The following MMP16 variants were observed in gnomAD, a reference collection of about 807,000 sequenced individuals.
MMP16 encodes matrix metallopeptidase 16, also known as matrix metalloproteinase-16.
MMP16 carries 12 observed loss-of-function variants against 67.8 expected under a neutral mutation model. That is an observed-to-expected ratio of 0.18 (90% CI 0.11 to 0.29). The LOEUF is 0.29. MMP16 is among the 10% of genes least tolerant of loss of function. The probability of loss-of-function intolerance (pLI) is 1.00; values close to 1 mark genes in which losing one functional copy is unlikely to be tolerated. For missense variants in MMP16, 475 were observed against 765.7 expected (o/e 0.62, Z 4.48); for synonymous variants, 249 against 255.9 (o/e 0.97, Z 0.26).
chr8:88,221,831 C>T (rs533836151), intron 1 of MMP16, among the ~76,000 whole-genome samples: 2 of 152,154 alleles, frequency 1.3e-5, no homozygotes, highest in South Asian at 4.2e-4. Context: ...TTGACATTCT[C>T]ACCCTATGGT....
intron 6 of MMP16, among the ~76,000 whole-genome samples, chr8:88,100,510 C>T (rs895582110): frequency 3.3e-5 from 5 of 151,956 alleles, no homozygotes; most frequent in African/African-American, 1.2e-4. Context: ...GAAATAGAAA[C>T]ACTTTTACAC....
chr8:88,126,710 T>C (rs116922431), intron 4 of MMP16, among the ~76,000 whole-genome samples: 293 of 151,900 alleles, frequency 1.9e-3, no homozygotes, highest in Non-Finnish European at 3.4e-3. Context: ...ATATCAAAAA[T>C]AAAAGACATA....
At chr8:88,211,405 T>C (rs562798990) in intron 1 of MMP16, among the ~76,000 whole-genome samples, 12 of 152,152 alleles carry the variant, frequency 7.9e-5, no homozygotes, top group Non-Finnish European at 1.6e-4. Context: ...GATCCTAGGA[T>C]ACAAAAGTAA....
At chr8:88,197,028 A>G in intron 2 of MMP16, 130 bp downstream of exon 2, 2 of 835,368 alleles carry the variant, frequency 2.4e-6, no homozygotes, top group Non-Finnish European at 3.6e-6. Flanking sequence ...AAATTAGGTT[A>G]TATAATTCCA....
chr8:88,275,940 T>A (rs1404199844), intron 1 of MMP16, among the ~76,000 whole-genome samples: 1 of 151,998 alleles, frequency 6.6e-6, no homozygotes, highest in Non-Finnish European at 1.5e-5. Flanking sequence ...TAAAATCAAC[T>A]AAGAGCACTC....
At chr8:88,086,138 C>T (rs935455476) in intron 6 of MMP16, among the ~76,000 whole-genome samples, 1 of 151,766 alleles carries the variant, frequency 6.6e-6, no homozygotes, top group African/African-American at 2.4e-5. Context: ...TGTGTGCTGA[C>T]ACTCTTTTCT....
rs146973754 is a variant in MMP16 at position 88,182,132 on chromosome 8, G to A, written c.404+4344C>T. 1.2e-3 allele frequency among the ~76,000 whole-genome samples: 179 copies of A among 152,056 alleles called. 1 individual carries two copies. In the South Asian group the frequency reaches 0.021, roughly 18 times the overall value. ...ACATACAACGCCAAAAGCACAATAC[G>A]AGAAGGAAAGAAAATGCTAAGTTGG... On this transcript the variant is annotated intron_variant, in intron 3 of 9. Coordinates refer to ENST00000286614, the MANE Select transcript of MMP16 (RefSeq NM_005941.5).
At chr8:88,135,514 TG>T (rs1012766123) in intron 4 of MMP16, among the ~76,000 whole-genome samples, 53 of 151,880 alleles carry the variant, frequency 3.5e-4, no homozygotes, top group African/African-American at 1.3e-3. Context: ...GACTGAGTCT[TG>T]GGGTTTAAAA....
chr8:88,042,834 A>C (rs902689112), intron 9 of MMP16, among the ~76,000 whole-genome samples: 1 of 152,180 alleles, frequency 6.6e-6, no homozygotes, highest in Non-Finnish European at 1.5e-5. Flanking sequence ...GCACATATCC[A>C]GTTTTTTCTT....
intron 4 of MMP16, among the ~76,000 whole-genome samples, chr8:88,148,717 C>G (rs1361308900): frequency 2.8e-5 from 4 of 141,736 alleles, no homozygotes; most frequent in Non-Finnish European, 6.1e-5. Context: ...TACATTATTG[C>G]TTATCTATTT....
intron 4 of MMP16, among the ~76,000 whole-genome samples, chr8:88,148,829 A>G (rs1808340754): frequency 6.6e-6 from 1 of 152,222 alleles, no homozygotes. Flanking sequence ...TAAAATCAGT[A>G]TCAGAAATAC....
intron 8 of MMP16, among the ~76,000 whole-genome samples, chr8:88,055,842 T>C (rs943573668): frequency 2.6e-5 from 4 of 152,100 alleles, no homozygotes; most frequent in African/African-American, 9.7e-5. Context: ...CAAGGATACA[T>C]ATATACACTG....
At chr8:88,155,221 A>C (rs544724578) in intron 4 of MMP16, among the ~76,000 whole-genome samples, 1 of 152,208 alleles carries the variant, frequency 6.6e-6, no homozygotes, top group Non-Finnish European at 1.5e-5. Context: ...AATATTTATA[A>C]GGAATACTTT....
At chr8:88,317,827 T>C (rs1350350592) in intron 1 of MMP16, among the ~76,000 whole-genome samples, 2 of 152,124 alleles carry the variant, frequency 1.3e-5, no homozygotes, top group Non-Finnish European at 2.9e-5. Flanking sequence ...ATATTGGAGT[T>C]TCTATTCTCT....
intron 2 of MMP16, among the ~76,000 whole-genome samples, chr8:88,196,804 G>A (rs1412715915): frequency 6.6e-6 from 1 of 152,008 alleles, no homozygotes; most frequent in African/African-American, 2.4e-5. Flanking sequence ...AATGAACAGA[G>A]ATTTGGGAAG....
At chr8:88,096,805 T>G (rs1356708698) in intron 6 of MMP16, among the ~76,000 whole-genome samples, 1 of 151,930 alleles carries the variant, frequency 6.6e-6, no homozygotes, top group African/African-American at 2.4e-5. Context: ...TGTATTTTAA[T>G]TTTTTAAAGG....
intron 6 of MMP16, among the ~76,000 whole-genome samples, chr8:88,104,315 ATG>A (rs1227911250): frequency 6.6e-6 from 1 of 151,706 alleles, no homozygotes; most frequent in African/African-American, 2.4e-5. Context: ...CATGATAATC[ATG>A]TCTCATTGTT....
intron 1 of MMP16, among the ~76,000 whole-genome samples, chr8:88,234,999 GTTTC>G (rs1408770741): frequency 2.6e-5 from 4 of 152,062 alleles, no homozygotes; most frequent in Non-Finnish European, 4.4e-5. Flanking sequence ...CTCTTTATGT[GTTTC>G]TTTCTTTTTG....
At chr8:88,132,917 T>C (rs910855107) in intron 4 of MMP16, among the ~76,000 whole-genome samples, 1 of 151,872 alleles carries the variant, frequency 6.6e-6, no homozygotes, top group African/African-American at 2.4e-5. Flanking sequence ...GTAATATGTA[T>C]GCAAGGGAAA....
Sources: gnomAD v4.1 joint callset for allele counts (sites outside exome capture counted in the v4.1 genomes callset) on GRCh38, gnomAD v4.1.1 for gene constraint, MANE v1.5 for transcripts, NCBI Gene and HGNC (gene_info 2026-07-23, HGNC 2026-07-21) for gene names.